Variants in SLC4A5 observed in about 807,000 individuals in gnomAD.
SLC4A5 encodes the protein electrogenic sodium bicarbonate cotransporter 4.
Under a neutral mutation model 120.4 loss-of-function variants are expected in SLC4A5, and 96 were observed. That is an observed-to-expected ratio of 0.80 (90% CI 0.68 to 0.94). The LOEUF is 0.94. SLC4A5 is among the 40% of genes least tolerant of loss of function. The pLI is 0.00. For synonymous variants in SLC4A5, 550 were observed against 571.1 expected (o/e 0.96, Z 0.53); for missense variants, 1,259 against 1,459.5 (o/e 0.86, Z 2.24).
intron 8 of SLC4A5, among the ~76,000 whole-genome samples, chr2:74,284,162 C>CTTTTTTTTTTTTTTTTTTT (rs1182761794): frequency 1.2e-5 from 1 of 81,106 alleles, no homozygotes; most frequent in African/African-American, 7.6e-5. Flanking sequence ...TTCCTTATTT[C>CTTTTTTTTTTTTTTTTTTT]TTTTTTTTTT....
intron 6 of SLC4A5, among the ~76,000 whole-genome samples, chr2:74,313,175 A>G (rs1397083008): frequency 6.6e-6 from 1 of 151,374 alleles, no homozygotes; most frequent in Non-Finnish European, 1.5e-5. Context: ...ACATGCCACT[A>G]TGCCCAGCTC....
chr2:74,250,636 G>A, intron 16 of SLC4A5, 119 bp from the exon 17 acceptor site: 3 of 1,206,482 alleles, frequency 2.5e-6, no homozygotes, highest in Non-Finnish European at 3.5e-6. Flanking sequence ...GGGTGGATGG[G>A]GCAAAGATCT....
chr2:74,297,222 G>T (rs75178161), intron 7 of SLC4A5, among the ~76,000 whole-genome samples: 18,800 of 152,134 alleles, frequency 0.12, 1,544 homozygotes, highest in East Asian at 0.46. Context: ...CTTAAATTGG[G>T]TTAATGTGTA....
chr2:74,234,372 G>A (rs1386264390), intron 22 of SLC4A5, among the ~76,000 whole-genome samples: 1 of 152,006 alleles, frequency 6.6e-6, no homozygotes, highest in African/African-American at 2.4e-5. Flanking sequence ...GTAGAGATGG[G>A]GTTTCACCGT....
intron 30 of SLC4A5, among the ~76,000 whole-genome samples, chr2:74,219,025 T>C (rs1180271425): frequency 1.3e-5 from 2 of 152,146 alleles, no homozygotes; most frequent in Admixed American, 1.3e-4. Flanking sequence ...ACAAATTTGG[T>C]GATTCCTCAT....
chr2:74,326,891 A>G (rs1673229553), intron 5 of SLC4A5, among the ~76,000 whole-genome samples: 2 of 152,156 alleles, frequency 1.3e-5, no homozygotes, highest in South Asian at 4.1e-4. Flanking sequence ...GCCCAAGCAG[A>G]CTGCATGCCC....
chr2:74,255,929 T>G lies in SLC4A5; in HGVS notation c.871A>C (p.Lys291Gln), dbSNP rs200136623. ...GGGATCTTCTTCATGAATTTGTTTTTCCGCTGGACAGGGAGGGGAAACGAG... is the reference window on the plus strand; with the variant it reads ...GGGATCTTCTTCATGAATTTGTTTTGCCGCTGGACAGGGAGGGGAAACGAG... The change falls in exon 13 of 31, where the codon AAA (lysine) becomes CAA (glutamine). Residue 291 changes from lysine to glutamine, a missense_variant. Transcript: ENST00000394019. This position sits in a 1 kb window ranked among gnomAD's most constrained non-coding sequence, Gnocchi z 4.0. The G allele has an allele frequency of 6.2e-7, 1 of 1,613,574 alleles. No individual in the cohort carries two copies. The highest frequency in any genetic ancestry group is 8.5e-7 in the Non-Finnish European group (1 of 1,179,542).
intron 6 of SLC4A5, among the ~76,000 whole-genome samples, chr2:74,313,518 C>T (rs942654329): frequency 1.3e-5 from 2 of 152,134 alleles, no homozygotes; most frequent in South Asian, 4.1e-4. Context: ...TGTCTAAAGT[C>T]CCAGCTCACC....
intron 20 of SLC4A5, 71 bp from the exon 21 acceptor site, chr2:74,239,606 A>C: frequency 6.7e-7 from 1 of 1,495,834 alleles, no homozygotes. Context: ...TTCCCACTGC[A>C]GTCCCCAGGC....
intron 20 of SLC4A5, 139 bp downstream of exon 20, chr2:74,241,855 G>A (rs1321297518): frequency 3.3e-6 from 2 of 611,748 alleles, no homozygotes; most frequent in Middle Eastern, 5.5e-4. Context: ...ACAAAGCTCT[G>A]CAGGTGACCC....
At chr2:74,279,904 T>C (rs900557940) in intron 8 of SLC4A5, among the ~76,000 whole-genome samples, 2 of 152,140 alleles carry the variant, frequency 1.3e-5, no homozygotes, top group Non-Finnish European at 2.9e-5. Context: ...TTTGTCTCAA[T>C]CTACCCCTTC....
chr2:74,299,825 T>TA (rs147475174), intron 7 of SLC4A5, among the ~76,000 whole-genome samples: 5,838 of 152,136 alleles, frequency 0.038, 388 homozygotes, highest in African/African-American at 0.13. Context: ...CCTCAAAACA[T>TA]AAAAGTAGAA....
intron 24 of SLC4A5, 50 bp downstream of exon 24, chr2:74,232,419 C>A: frequency 6.3e-7 from 1 of 1,575,850 alleles, no homozygotes; most frequent in South Asian, 1.2e-5. Context: ...TTCTCCTCCC[C>A]GAGTGGGCCC....
At chr2:74,335,901 A>G (rs1673475939) in intron 3 of SLC4A5, among the ~76,000 whole-genome samples, 1 of 152,194 alleles carries the variant, frequency 6.6e-6, no homozygotes, top group Admixed American at 6.5e-5. Context: ...TATATATTTT[A>G]AATACAATTC....
In SLC4A5 at chr2:74,336,371, G is replaced by A. The variant is rs138578613; in HGVS notation, c.-220-2194C>T. Among the ~76,000 whole-genome samples the A allele has an allele frequency of 7.9e-4, 120 of 152,226 alleles. 1 individual carries two copies. Among genetic ancestry groups the A allele is most frequent in the African/African-American group, 2.7e-3 (111 of 41,534 alleles). ...GGAGTAAGCCACCACGCCTGGCTGA[G>A]GTCATTATTAATATTTATGAAAGAC... On this transcript the variant is annotated intron_variant, in intron 3 of 30. Coordinates refer to ENST00000394019, the Ensembl canonical transcript of SLC4A5.
In SLC4A5 at chr2:74,248,388, G is replaced by T. The variant is rs1351468778; in HGVS notation, c.1752C>A (p.Ile584=). Residue 584 remains isoleucine, a synonymous_variant, in exon 18 of 31, where the codon ATC becomes ATA. Coordinates refer to ENST00000394019, the Ensembl canonical transcript of SLC4A5. ...CGAAGAGGAGCTTCTCAAAGATGAG[G>T]ATGGGCCCCGTGCTGCTGAGAATGA... 3 of 1,614,212 alleles carry T rather than the reference G, an allele frequency of 1.9e-6. No homozygotes were observed. In the South Asian group the frequency reaches 3.3e-5, roughly 18 times the overall value.
chr2:74,248,741 C>T (rs1397847648), intron 17 of SLC4A5, among the ~76,000 whole-genome samples: 1 of 152,222 alleles, frequency 6.6e-6, no homozygotes, highest in East Asian at 1.9e-4. Flanking sequence ...GCCTAGAAAA[C>T]AGTGGATGTG....
At chr2:74,238,620 T>C (rs1167170153) in intron 21 of SLC4A5, among the ~76,000 whole-genome samples, 1 of 152,172 alleles carries the variant, frequency 6.6e-6, no homozygotes, top group Non-Finnish European at 1.5e-5. Flanking sequence ...GGAGAAAGAA[T>C]AGTCTTTAAA....
rs762636543 is a variant in SLC4A5 at position 74,255,743 on chromosome 2, G to A, written c.1025+32C>T. Reference sequence around the variant, plus strand: ...TGCACTGCTGACTGGCTACCTGAGAGTGGCGTGGGGACAGGTTTCAATGGC... The same window carrying A: ...TGCACTGCTGACTGGCTACCTGAGAATGGCGTGGGGACAGGTTTCAATGGC... On this transcript the variant is annotated intron_variant, in intron 13 of 30. Transcript: ENST00000394019. The surrounding 1 kb of genome is among the most constrained non-coding windows in gnomAD (Gnocchi z 4.0). 9.9e-6 allele frequency: 16 copies of A among 1,611,286 alleles called. No homozygotes were observed. In the South Asian group the frequency reaches 1.6e-4, roughly 17 times the overall value.
Sources: allele counts gnomAD v4.1 joint callset (sites outside exome capture counted in the v4.1 genomes callset), GRCh38; gene constraint gnomAD v4.1.1; non-coding constraint Gnocchi (gnomAD v3.1); transcripts MANE v1.5; gene names NCBI Gene and HGNC (gene_info 2026-07-23, HGNC 2026-07-21).